The following TBL1XR1 variants were observed in gnomAD, a reference collection of about 807,000 sequenced individuals.
TBL1XR1 encodes F-box-like/WD repeat-containing protein TBL1XR1.
A neutral mutation model predicts 66.9 loss-of-function variants in TBL1XR1; 5 were observed. The ratio of observed to expected loss-of-function variants is 0.07; its 90% CI spans 0.04 to 0.16. TBL1XR1 has a LOEUF of 0.16. Among genes scored for constraint, TBL1XR1 ranks in the 10% least tolerant of loss-of-function variants. The pLI, the probability that TBL1XR1 is intolerant of heterozygous loss-of-function variation, is 1.00. For synonymous variants in TBL1XR1, 210 were observed against 206.0 expected (o/e 1.02, Z -0.17); for missense variants, 238 against 623.2 (o/e 0.38, Z 6.58).
At chr3:177,032,047 T>C (rs994277307) in intron 14 of TBL1XR1, among the ~76,000 whole-genome samples, 10 of 152,178 alleles carry the variant, frequency 6.6e-5, no homozygotes, top group African/African-American at 2.4e-4. Context: ...TTTAAAACTA[T>C]GCTGAAATAC....
intron 1 of TBL1XR1, among the ~76,000 whole-genome samples, chr3:177,152,702 G>A (rs952347748): frequency 2.6e-5 from 4 of 152,080 alleles, no homozygotes; most frequent in Admixed American, 2.6e-4. Flanking sequence ...TTTCTATATA[G>A]ATTTCTCTAA....
chr3:177,198,060 C>T (rs753781641), upstream of TBL1XR1, among the ~76,000 whole-genome samples: 8 of 151,950 alleles, frequency 5.3e-5, no homozygotes, highest in Non-Finnish European at 1.2e-4. Flanking sequence ...TGGGGGAGTG[C>T]GGCGCGGCAT....
At chr3:177,088,083 T>C (rs1722374441) in intron 2 of TBL1XR1, among the ~76,000 whole-genome samples, 1 of 152,190 alleles carries the variant, frequency 6.6e-6, no homozygotes, top group African/African-American at 2.4e-5. Context: ...GAATAGTGCC[T>C]ACACTGAGAA....
chr3:177,139,669 T>TAA lies in TBL1XR1; in HGVS notation c.-121-41130_-121-41129dup, dbSNP rs5854743. 5.8e-3 allele frequency among the ~76,000 whole-genome samples: 848 copies of TAA among 145,766 alleles called. 16 individuals carry two copies. The highest frequency in any genetic ancestry group is 0.019 in the African/African-American group (754 of 39,808). ...AAGCAAAAAAACCCAAAAATATAGT[T>TAA]AAAAAAAAAAAGAAAAAGAAAATTT... On this transcript the variant is annotated intron_variant, in intron 1 of 15. Transcript: ENST00000457928.
intron 3 of TBL1XR1, among the ~76,000 whole-genome samples, chr3:177,058,581 T>C (rs1355208764): frequency 6.6e-6 from 1 of 152,232 alleles, no homozygotes; most frequent in Non-Finnish European, 1.5e-5. Context: ...CAAATATCTA[T>C]ATGTATAGGC....
At chr3:177,157,536 C>G (rs1731663895) in intron 1 of TBL1XR1, among the ~76,000 whole-genome samples, 1 of 152,154 alleles carries the variant, frequency 6.6e-6, no homozygotes, top group African/African-American at 2.4e-5. Flanking sequence ...AGTGACCTTG[C>G]TGGTTTAAAT....
intron 1 of TBL1XR1, among the ~76,000 whole-genome samples, chr3:177,190,238 CACAA>C (rs1453381946): frequency 6.6e-6 from 1 of 151,072 alleles, no homozygotes; most frequent in Non-Finnish European, 1.5e-5. Flanking sequence ...CTTACTGTGA[CACAA>C]TTCCTAACTA....
intron 1 of TBL1XR1, among the ~76,000 whole-genome samples, chr3:177,167,118 G>C (rs2091655): frequency 0.033 from 4,986 of 152,290 alleles, 280 homozygotes; most frequent in African/African-American, 0.11. Flanking sequence ...GTAGGTCAAA[G>C]TTGATAAACT....
chr3:177,026,163 T>A, intron 15 of TBL1XR1: 1 of 535,914 alleles, frequency 1.9e-6, no homozygotes, highest in Non-Finnish European at 3.2e-6. Flanking sequence ...ATTTCTAGAT[T>A]ATAAGGTATT....
intron 1 of TBL1XR1, among the ~76,000 whole-genome samples, chr3:177,128,997 G>C (rs1727975316): frequency 6.6e-6 from 1 of 152,080 alleles, no homozygotes; most frequent in African/African-American, 2.4e-5. Flanking sequence ...ACTTACACGT[G>C]ATTCAAATTT....
At chr3:177,176,567 C>T (rs1249047847) in intron 1 of TBL1XR1, among the ~76,000 whole-genome samples, 1 of 150,198 alleles carries the variant, frequency 6.7e-6, no homozygotes, top group Non-Finnish European at 1.5e-5. Context: ...AATCCCAGCA[C>T]TTTGGGAGGC....
chr3:177,044,375 G>A (rs1716030465), intron 10 of TBL1XR1, among the ~76,000 whole-genome samples: 1 of 152,100 alleles, frequency 6.6e-6, no homozygotes, highest in South Asian at 2.1e-4. Context: ...CTGATTAGAA[G>A]ACTTACTGAT....
chr3:177,178,093 T>C (rs1734367921), intron 1 of TBL1XR1, among the ~76,000 whole-genome samples: 1 of 152,168 alleles, frequency 6.6e-6, no homozygotes, highest in Non-Finnish European at 1.5e-5. Flanking sequence ...ATTAAGACGC[T>C]GAGACAGGAA....
intron 1 of TBL1XR1, among the ~76,000 whole-genome samples, chr3:177,130,286 T>C (rs1728144783): frequency 6.6e-6 from 1 of 152,198 alleles, no homozygotes; most frequent in Non-Finnish European, 1.5e-5. Flanking sequence ...TACAATGTTA[T>C]TCATTGCTGC....
intron 1 of TBL1XR1, among the ~76,000 whole-genome samples, chr3:177,112,831 C>T (rs1461773699): frequency 3.3e-5 from 5 of 151,828 alleles, no homozygotes; most frequent in African/African-American, 4.8e-5. Context: ...GGTGAAACCC[C>T]GTCTCTACTA....
chr3:177,025,670 T>C, intron 15 of TBL1XR1, 146 bp from the exon 16 acceptor site: 1 of 752,940 alleles, frequency 1.3e-6, no homozygotes, highest in South Asian at 1.8e-5. Context: ...AATGAGCACT[T>C]AACTGACAGA....
chr3:177,164,779 A>T (rs1440416169), intron 1 of TBL1XR1, among the ~76,000 whole-genome samples: 1 of 152,196 alleles, frequency 6.6e-6, no homozygotes, highest in Non-Finnish European at 1.5e-5. Context: ...GAGTCAATGA[A>T]ATCTCTATCA....
chr3:177,162,128 T>C (rs1577350630), intron 1 of TBL1XR1, among the ~76,000 whole-genome samples: 3 of 152,338 alleles, frequency 2.0e-5, no homozygotes, highest in South Asian at 4.1e-4. Context: ...TTAAGTGCTT[T>C]AGAATGTTCA....
intron 1 of TBL1XR1, among the ~76,000 whole-genome samples, chr3:177,152,329 T>A (rs1159874104): frequency 6.6e-6 from 1 of 152,096 alleles, no homozygotes; most frequent in Non-Finnish European, 1.5e-5. Context: ...AGGCCCACCT[T>A]TTTTTTCAAC....
Sources: allele counts gnomAD v4.1 joint callset (sites outside exome capture counted in the v4.1 genomes callset), GRCh38; gene constraint gnomAD v4.1.1; transcripts MANE v1.5; gene names NCBI Gene and HGNC (gene_info 2026-07-23, HGNC 2026-07-21).